AP3S1: variants seen among roughly 807,000 people sequenced by gnomAD.
AP3S1 encodes AP-3 complex subunit sigma-1.
In AP3S1, 12 loss-of-function variants were observed where a neutral mutation model predicts 21.3. The ratio of observed to expected loss-of-function variants is 0.56; its 90% CI spans 0.36 to 0.91. AP3S1 has a LOEUF of 0.91. Among genes scored for constraint, AP3S1 ranks in the 40% least tolerant of loss-of-function variants. The pLI, the probability that AP3S1 is intolerant of heterozygous loss-of-function variation, is 0.01. For synonymous variants in AP3S1, 48 were observed against 78.4 expected, an observed-to-expected ratio of 0.61 and a Z score of 2.05; for missense variants, 116 against 225.0, an observed-to-expected ratio of 0.52 and a Z score of 3.10.
chr5:115,911,040 TG>T (rs1752061730), intron 5 of AP3S1, among the ~76,000 whole-genome samples: 1 of 152,144 alleles, frequency 6.6e-6, no homozygotes. Context: ...AAACTTCTTT[TG>T]GTTTTACATA....
chr5:115,858,259 C>T (rs1762931924), intron 1 of AP3S1, among the ~76,000 whole-genome samples: 1 of 152,128 alleles, frequency 6.6e-6, no homozygotes, highest in Non-Finnish European at 1.5e-5. Context: ...TGGCATGCTG[C>T]CCAAAAATTT....
At chr5:115,907,181 T>C (rs1751721669) in intron 5 of AP3S1, among the ~76,000 whole-genome samples, 1 of 152,240 alleles carries the variant, frequency 6.6e-6, no homozygotes, top group East Asian at 1.9e-4. Context: ...TTACTTTGTA[T>C]ATAAAAACGT....
intron 1 of AP3S1, among the ~76,000 whole-genome samples, chr5:115,863,381 G>GCGAGACTCCGT: frequency 6.6e-6 from 1 of 151,292 alleles, no homozygotes; most frequent in African/African-American, 2.4e-5. Flanking sequence ...GGGCAACAGA[G>GCGAGACTCCGT]CAAAAACTAT....
chr5:115,855,019 ATATCTATCTATCTATCTATC>A (rs34447523), intron 1 of AP3S1, among the ~76,000 whole-genome samples: 1 of 147,442 alleles, frequency 6.8e-6, no homozygotes, highest in Middle Eastern at 3.2e-3. Context: ...TATATATTTT[ATATCTATCTATCTATCTATC>A]TATCTATCTA....
intron 5 of AP3S1, 148 bp downstream of exon 5, chr5:115,903,140 G>T: frequency 3.5e-6 from 2 of 573,970 alleles, no homozygotes; most frequent in East Asian, 6.8e-5. Flanking sequence ...GAATATACAC[G>T]TAGTATGCTA....
At chr5:115,877,748 T>C (rs1748864856) in intron 3 of AP3S1, among the ~76,000 whole-genome samples, 1 of 152,244 alleles carries the variant, frequency 6.6e-6, no homozygotes, top group Non-Finnish European at 1.5e-5. Context: ...ATGGTATTTC[T>C]GGTTCTAGAT....
chr5:115,903,072 G>C (rs541550340), intron 5 of AP3S1, 80 bp downstream of exon 5: 1 of 1,043,716 alleles, frequency 9.6e-7, no homozygotes, highest in Admixed American at 2.0e-5. Context: ...TTCACTGTTT[G>C]TCCTTCAGTA....
chr5:115,871,424 C>T (rs1056757051), intron 3 of AP3S1, among the ~76,000 whole-genome samples: 1 of 152,132 alleles, frequency 6.6e-6, no homozygotes, highest in African/African-American at 2.4e-5. Context: ...AAATTTTGCC[C>T]TCCACTCCAT....
At chr5:115,867,017 G>T (rs550923011) in intron 2 of AP3S1, among the ~76,000 whole-genome samples, 1 of 152,136 alleles carries the variant, frequency 6.6e-6, no homozygotes, top group South Asian at 2.1e-4. Flanking sequence ...CAACATTACA[G>T]GGAAGTATAA....
intron 5 of AP3S1, 96 bp from the exon 6 acceptor site, chr5:115,913,265 GA>G (rs2112606108): frequency 1.1e-6 from 1 of 934,498 alleles, no homozygotes; most frequent in African/African-American, 2.1e-5. Flanking sequence ...CTTGTTATAT[GA>G]AAATCTTTTA....
At chr5:115,850,788 A>G (rs1762384617) in intron 1 of AP3S1, among the ~76,000 whole-genome samples, 1 of 152,170 alleles carries the variant, frequency 6.6e-6, no homozygotes, top group Non-Finnish European at 1.5e-5. Context: ...GGATTCAAAG[A>G]GTTTACTTGA....
chr5:115,869,328 T>G (rs1284657820), intron 2 of AP3S1, among the ~76,000 whole-genome samples: 1 of 152,222 alleles, frequency 6.6e-6, no homozygotes, highest in Non-Finnish European at 1.5e-5. Context: ...AGTGTCATTC[T>G]TCTTTTTTTT....
At chr5:115,879,738 ACT>A (rs1190570431) in intron 3 of AP3S1, among the ~76,000 whole-genome samples, 2 of 150,986 alleles carry the variant, frequency 1.3e-5, no homozygotes, top group African/African-American at 4.9e-5. Flanking sequence ...TAGGGAGGAG[ACT>A]CTCTTTTTCC....
intron 3 of AP3S1, among the ~76,000 whole-genome samples, chr5:115,893,694 T>C (rs949027668): frequency 6.6e-6 from 1 of 152,184 alleles, no homozygotes; most frequent in Admixed American, 6.6e-5. Context: ...GCCTCTTGTT[T>C]ACATTTTACC....
chr5:115,881,362 C>T (rs1749270314), intron 3 of AP3S1, among the ~76,000 whole-genome samples: 1 of 152,118 alleles, frequency 6.6e-6, no homozygotes, highest in South Asian at 2.1e-4. Context: ...ATATTTAGTG[C>T]TTCCTTCAGG....
intron 5 of AP3S1, chr5:115,906,925 T>G (rs1561529410): frequency 2.8e-6 from 4 of 1,447,212 alleles, no homozygotes; most frequent in African/African-American, 2.9e-5. Flanking sequence ...TCAAAGGCAA[T>G]TAATTATTTA....
chr5:115,887,929 A>G (rs2112892455), intron 3 of AP3S1, among the ~76,000 whole-genome samples: 1 of 152,260 alleles, frequency 6.6e-6, no homozygotes, highest in Non-Finnish European at 1.5e-5. Flanking sequence ...ATAGCATGGG[A>G]AAGGAGGACT....
At chr5:115,842,503 G>C (rs1761678827) in intron 1 of AP3S1, 1 of 168,772 alleles carries the variant, frequency 5.9e-6, no homozygotes, top group African/African-American at 2.4e-5. Flanking sequence ...CGCGGCTGCA[G>C]TTAGCCCGGG....
At chr5:115,875,885 T>C (rs922950141) in intron 3 of AP3S1, among the ~76,000 whole-genome samples, 5 of 152,220 alleles carry the variant, frequency 3.3e-5, no homozygotes, top group African/African-American at 1.2e-4. Flanking sequence ...TGTGTTATTT[T>C]CATGCTTGAG....
Sources: allele counts gnomAD v4.1 joint callset (sites outside exome capture counted in the v4.1 genomes callset), GRCh38; gene constraint gnomAD v4.1.1; transcripts MANE v1.5; gene names NCBI Gene and HGNC (gene_info 2026-07-23, HGNC 2026-07-21).